KIAA0753: variants seen among roughly 807,000 people sequenced by gnomAD.
KIAA0753 encodes the protein KIAA0753.
KIAA0753 carries 114 observed loss-of-function variants against 116.9 expected under a neutral mutation model. That is an observed-to-expected ratio of 0.98 (90% CI 0.84 to 1.14). KIAA0753 has a LOEUF of 1.14. KIAA0753 is among the 50% of genes most tolerant of loss of function. The probability of loss-of-function intolerance (pLI) is 0.00; values close to 1 mark genes in which losing one functional copy is unlikely to be tolerated. For synonymous variants in KIAA0753, 405 were observed against 413.1 expected (o/e 0.98, Z 0.24); for missense variants, 1,156 against 1,172.4 (o/e 0.99, Z 0.20).
intron 15 of KIAA0753, 119 bp downstream of exon 15, chr17:6,596,039 G>A (rs1204131159): frequency 2.1e-6 from 2 of 950,688 alleles, no homozygotes; most frequent in Admixed American, 4.5e-5. Flanking sequence ...AATAGAGCAG[G>A]GATTTAAAAC....
Position 6,591,056 on chromosome 17 carries a change from GAAGAAGAAGAAGAAGAA to G in KIAA0753, c.2441-443_2441-427del, listed in dbSNP as rs775902681. Among the ~76,000 whole-genome samples the G allele has an allele frequency of 2.2e-3, 203 of 92,540 alleles. 4 individuals are homozygous for G. Among genetic ancestry groups the G allele is most frequent in the African/African-American group, 6.3e-3 (137 of 21,818 alleles). The allele number at this position is 92,540 out of a possible 152,430, so 60.7% of individuals were successfully genotyped here. On this transcript the variant is annotated intron_variant, in intron 16 of 18. Coordinates refer to ENST00000361413, the MANE Select transcript of KIAA0753 (RefSeq NM_014804.3). ...AAGGAAGAAGGAAGAAGAAGAAGAA[GAAGAAGAAGAAGAAGAA>G]GAAGAAGAAGAAGAAGAAGAAGAAG...
intron 4 of KIAA0753, chr17:6,623,931 G>A (rs889712130): frequency 4.5e-5 from 8 of 176,120 alleles, no homozygotes; most frequent in African/African-American, 1.9e-4. Context: ...AGCCACTAAA[G>A]TCTTTTAAGC....
chr17:6,634,801 T>C, intron 2 of KIAA0753: 1 of 495,378 alleles, frequency 2.0e-6, no homozygotes, highest in Non-Finnish European at 3.7e-6. Flanking sequence ...TATTCTCAAA[T>C]ATTTAGAAGT....
chr17:6,590,287 A>G (rs1968899026), intron 17 of KIAA0753, among the ~76,000 whole-genome samples: 1 of 152,230 alleles, frequency 6.6e-6, no homozygotes, highest in African/African-American at 2.4e-5. Context: ...TCCACATTAA[A>G]AAAACAGCTA....
chr17:6,614,507 T>TGG (rs34769605), intron 7 of KIAA0753, among the ~76,000 whole-genome samples: 4,233 of 146,882 alleles, frequency 0.029, 77 homozygotes, highest in South Asian at 0.044. Context: ...CAAGCATAAG[T>TGG]GGGGGGGGGT....
chr17:6,607,339 A>C, intron 10 of KIAA0753, 69 bp from the exon 11 acceptor site: 1 of 1,292,044 alleles, frequency 7.7e-7, no homozygotes, highest in Middle Eastern at 1.8e-4. Context: ...TCACAGAAAC[A>C]GACCAGAAAT....
intron 10 of KIAA0753, among the ~76,000 whole-genome samples, chr17:6,607,559 T>C (rs757207999): frequency 1.4e-4 from 22 of 152,144 alleles, no homozygotes; most frequent in African/African-American, 4.3e-4. Context: ...AACAAAACCA[T>C]TGCTATATCT....
rs1396237745 is a variant in KIAA0753 at position 6,578,561 on chromosome 17, G to A, written c.*1186C>T. Reference sequence around the variant, plus strand: ...ATTTTGCACAAATAAGTGTGATCAAGCAGCTTAAATCACCTGAAATTCTTG... The same window carrying A: ...ATTTTGCACAAATAAGTGTGATCAAACAGCTTAAATCACCTGAAATTCTTG... On this transcript the variant is annotated 3_prime_UTR_variant, in exon 19 of 19. Coordinates refer to ENST00000361413, the MANE Select transcript of KIAA0753 (RefSeq NM_014804.3). 1 of 152,182 alleles carries A rather than the reference G, an allele frequency of 6.6e-6. No homozygotes were observed. 9.4% of individuals were successfully genotyped at this position (152,182 alleles called of 1,614,324 possible). A position where few individuals can be genotyped will look rare whatever the true frequency, so the allele number is the denominator to read the frequency against.
Position 6,612,045 on chromosome 17 carries a change from T to C in KIAA0753, c.1419A>G (p.Leu473=). The C allele has an allele frequency of 1.2e-6, 2 of 1,614,220 alleles. No individual in the cohort carries two copies. Among genetic ancestry groups the C allele is most frequent in the South Asian group, 2.2e-5 (2 of 91,086 alleles). The change falls in exon 8 of 19, where the codon CTA becomes CTG. Residue 473 remains leucine, a synonymous_variant. Coordinates refer to ENST00000361413, the MANE Select transcript of KIAA0753 (RefSeq NM_014804.3). ...CGTCTTTGAAGCTTGCACTTTGGTCTAGAATAAATGGTCCTTCTTCCAGAA... is the reference window on the plus strand; with the variant it reads ...CGTCTTTGAAGCTTGCACTTTGGTCCAGAATAAATGGTCCTTCTTCCAGAA... The part of the protein sequence containing the change: ...DIVLEEGPFI[L]DQSASFKDEV...
intron 1 of KIAA0753, chr17:6,640,122 CG>C (rs1972569793): frequency 6.6e-6 from 1 of 152,618 alleles, no homozygotes; most frequent in Admixed American, 6.5e-5. Flanking sequence ...TCACACAGCG[CG>C]TCTCCCACTC....
intron 18 of KIAA0753, among the ~76,000 whole-genome samples, chr17:6,581,689 C>T (rs982395228): frequency 2.0e-5 from 3 of 152,164 alleles, no homozygotes; most frequent in South Asian, 2.1e-4. Flanking sequence ...GTATTCATTC[C>T]TATCAGTTTG....
In KIAA0753 at chr17:6,624,736, C is replaced by T; in HGVS notation, c.825+19G>A. The T allele has an allele frequency of 6.5e-7, 1 of 1,528,008 alleles. No homozygotes were observed. The highest frequency in any genetic ancestry group is 2.4e-5 in the East Asian group (1 of 41,136). The allele number at this position is 1,528,008 out of a possible 1,614,324, so 94.7% of individuals were successfully genotyped here. On this transcript the variant is annotated intron_variant, in intron 4 of 18. Coordinates refer to ENST00000361413, the MANE Select transcript of KIAA0753 (RefSeq NM_014804.3). ...GTACACAAGGCTGACTGCCCTACTT[C>T]TCCCTGAACTTTTCACACCTGCTGC...
intron 7 of KIAA0753, among the ~76,000 whole-genome samples, chr17:6,618,789 T>C (rs894172069): frequency 1.3e-5 from 2 of 151,824 alleles, no homozygotes; most frequent in Admixed American, 1.3e-4. Context: ...AAAAAAGAAA[T>C]AAAATATTGA....
intron 18 of KIAA0753, among the ~76,000 whole-genome samples, chr17:6,581,929 GC>G (rs1260927422): frequency 6.6e-6 from 1 of 152,168 alleles, no homozygotes; most frequent in Non-Finnish European, 1.5e-5. Context: ...CTTCCAAGAA[GC>G]CCTCGTGCCT....
At position 6,590,583 on chromosome 17, in the gene KIAA0753, T is replaced by C. The variant is rs369517542; in HGVS notation, c.2488A>G (p.Ile830Val). The change falls in exon 17 of 19, where the codon ATC becomes GTC. Residue 830 changes from isoleucine (I) to valine (V), a missense_variant. Physicochemically the swap from Ile to Val is conservative, Grantham distance 29. Coordinates refer to ENST00000361413, the MANE Select transcript of KIAA0753 (RefSeq NM_014804.3). ...CGATCCACTGTCTTCGTGATTCTGA[T>C]TGGATGAGGAGATAGAGGCTTTTCA... ...ISEKPLSPHPIRITKTVDRKD... is the reference protein window; with the variant it reads ...ISEKPLSPHPVRITKTVDRKD... 17 of 1,613,904 alleles carry C rather than the reference T, an allele frequency of 1.1e-5. No homozygotes were observed. The highest frequency in any genetic ancestry group is 1.7e-5 in the Admixed American group (1 of 59,994).
At chr17:6,623,218 A>G (rs1163238723) in intron 5 of KIAA0753, 121 bp from the exon 6 acceptor site, 6 of 1,006,704 alleles carry the variant, frequency 6.0e-6, no homozygotes, top group African/African-American at 4.9e-5. Context: ...TATTGTGAAA[A>G]CTTTTTCATA....
At chr17:6,625,239 C>T (rs1971588432) in intron 3 of KIAA0753, among the ~76,000 whole-genome samples, 2 of 152,100 alleles carry the variant, frequency 1.3e-5, no homozygotes, top group African/African-American at 4.8e-5. Flanking sequence ...TTATGTTTAG[C>T]AAGATTAGTT....
chr17:6,580,670 A>C (rs976557744), intron 18 of KIAA0753, among the ~76,000 whole-genome samples: 2 of 152,156 alleles, frequency 1.3e-5, no homozygotes, highest in Non-Finnish European at 2.9e-5. Flanking sequence ...CCTAGACAGA[A>C]GGATGGTGGT....
chr17:6,634,812 A>G, intron 2 of KIAA0753, 199 bp downstream of exon 2: 1 of 530,502 alleles, frequency 1.9e-6, no homozygotes, highest in Non-Finnish European at 3.4e-6. Context: ...ATTTAGAAGT[A>G]TCAGGTTGAC....
Sources: allele counts gnomAD v4.1 joint callset (sites outside exome capture counted in the v4.1 genomes callset), GRCh38; gene constraint gnomAD v4.1.1; transcripts MANE v1.5; gene names NCBI Gene and HGNC (gene_info 2026-07-23, HGNC 2026-07-21).